The following EID2B variants were observed in gnomAD, a reference collection of about 807,000 sequenced individuals.
EID2B encodes EP300-interacting inhibitor of differentiation 2B.
Under a neutral mutation model 5.9 loss-of-function variants are expected in EID2B, and 6 were observed. The ratio of observed to expected loss-of-function variants is 1.01; its 90% confidence interval spans 0.55 to 2.00. The LOEUF is 2.00. Among genes scored for constraint, EID2B ranks in the 30% most tolerant of loss-of-function variants. The pLI, the probability that EID2B is intolerant of heterozygous loss-of-function variation, is 0.00. For synonymous variants in EID2B, 94 were observed against 104.2 expected (o/e 0.90, Z 0.60); for missense variants, 234 against 228.1 (o/e 1.03, Z -0.17).
Position 39,532,639 on chromosome 19 carries a change from C to T in EID2B, c.164G>A (p.Arg55Gln). Residue 55 changes from arginine (R) to glutamine (Q), a missense_variant, in exon 1 of 1, where the codon CGG becomes CAG. By Grantham distance (43) the Arg-to-Gln change is conservative. Coordinates refer to ENST00000326282, the MANE Select transcript of EID2B (RefSeq NM_152361.3). ...AGGGCCCGGCATCCGCGCCATGGAC[C>T]GCGCAGCTTCGGCCACTGGGCCTTC... ...AREGPVAEAA[R>Q]SMARMPGPVP... is the part of the protein sequence containing the mutation. 6.2e-7 allele frequency: 1 copy of T among 1,607,604 alleles called. No homozygotes were observed. The highest frequency in any genetic ancestry group is 8.5e-7 in the Non-Finnish European group (1 of 1,177,026).
rs1448529427 is a variant in EID2B at position 39,531,666 on chromosome 19, TATGA to T, written c.*647_*650del. 1 of 152,262 alleles carries T rather than the reference TATGA, an allele frequency of 6.6e-6. No homozygotes were observed. Among genetic ancestry groups the T allele is most frequent in the Non-Finnish European group, 1.5e-5 (1 of 68,048 alleles). The allele number at this position is 152,262 out of a possible 1,614,324, so 9.4% of individuals were successfully genotyped here. The stretch of plus-strand genomic sequence containing the variant: ...TCTAAAGTACCTCAGAAAACACAAA[TATGA>T]ATCTTACACTAGGATTTGTTGACAT... On this transcript the variant is annotated 3_prime_UTR_variant, in exon 1 of 1. Transcript: ENST00000326282.
rs1245234877 is a variant in EID2B, at chr19:39,532,215, CT to C, written c.*101del. The C allele has an allele frequency of 6.3e-6, 9 of 1,436,126 alleles. No homozygotes were observed. In the African/African-American group the frequency reaches 8.5e-5, roughly 14 times the overall value. The allele number at this position is 1,436,126 out of a possible 1,614,324, so 89.0% of individuals were successfully genotyped here. A position where few individuals can be genotyped will look rare whatever the true frequency, so the allele number is the denominator to read the frequency against. On this transcript the variant is annotated 3_prime_UTR_variant, in exon 1 of 1. Coordinates refer to ENST00000326282, the MANE Select transcript of EID2B (RefSeq NM_152361.3). The stretch of plus-strand genomic sequence containing the variant: ...TATTCCCTTCCAGTTTGCATTCCCC[CT>C]AATGACTGAGTTAACTAAACTGGCA...
chr19:39,532,589 C>T lies in EID2B; in HGVS notation c.214G>A (p.Val72Ile). Residue 72 changes from valine to isoleucine, a missense_variant, in exon 1 of 1, where the codon GTC becomes ATC. By Grantham distance (29) the Val-to-Ile change is conservative. Transcript: ENST00000326282. ...TCTGGCGCGGAGGCCAGGCCCGGGA[C>T]GCTGCTGGGGATGGGCCCGGGCACA... ...GPVPGPIPSS[V>I]PGLASAPDPH... 6.2e-7 allele frequency: 1 copy of T among 1,613,096 alleles called. No homozygotes were observed. The highest frequency in any genetic ancestry group is 8.5e-7 in the Non-Finnish European group (1 of 1,179,810).
Position 39,532,331 on chromosome 19 carries a change from G to A in EID2B, c.472C>T (p.Pro158Ser), listed in dbSNP as rs200337713. 2.5e-5 allele frequency: 40 copies of A among 1,613,616 alleles called. No homozygotes were observed. The East Asian group carries it at 8.5e-4, about 34-fold the overall frequency. Reference protein sequence around the residue: ...VALTASEALSPLAD With the variant: ...VALTASEALSSLAD ...TCACAGCCGACTCAGTCGGCCAGAG[G>A]ACTGAGGGCCTCGGAGGCAGTCAGC... Residue 158 changes from proline to serine, a missense_variant, in exon 1 of 1, where the codon CCT becomes TCT. By Grantham distance (74) the Pro-to-Ser change is moderately conservative. Coordinates refer to ENST00000326282, the MANE Select transcript of EID2B (RefSeq NM_152361.3).
In EID2B at chr19:39,532,158, A is replaced by G; in HGVS notation, c.*159T>C. 3.9e-6 allele frequency: 3 copies of G among 773,378 alleles called. No individual in the cohort carries two copies. Among genetic ancestry groups the G allele is most frequent in the Non-Finnish European group, 6.1e-6 (3 of 488,638 alleles). The allele number at this position is 773,378 out of a possible 1,614,324, so 47.9% of individuals were successfully genotyped here. Reference sequence around the variant, plus strand: ...ACAGTCTTGTCTGTTTCCATTTCGGAGTGTGCTTCCTCCTTCAATTGCACA... The same window carrying G: ...ACAGTCTTGTCTGTTTCCATTTCGGGGTGTGCTTCCTCCTTCAATTGCACA... On this transcript the variant is annotated 3_prime_UTR_variant, in exon 1 of 1. Transcript: ENST00000326282.
rs1464115406 is a variant in EID2B at position 39,531,563 on chromosome 19, C to T, written c.*754G>A. The T allele has an allele frequency of 6.6e-6, 1 of 152,192 alleles. No individual in the cohort carries two copies. The highest frequency in any genetic ancestry group is 2.4e-5 in the African/African-American group (1 of 41,462). The allele number at this position is 152,192 out of a possible 1,614,324, so 9.4% of individuals were successfully genotyped here. A position where few individuals can be genotyped will look rare whatever the true frequency, so the allele number is the denominator to read the frequency against. On this transcript the variant is annotated 3_prime_UTR_variant, in exon 1 of 1. Transcript: ENST00000326282. Reference sequence around the variant, plus strand: ...ATTAACAAAAAACAAGTTTATTCCACACCTACCCAATTTCACATAGACTTG... The same window carrying T: ...ATTAACAAAAAACAAGTTTATTCCATACCTACCCAATTTCACATAGACTTG...
At position 39,531,849 on chromosome 19, in the gene EID2B, A is replaced by G. The variant is rs573480894; in HGVS notation, c.*468T>C. 6.8e-4 allele frequency: 103 copies of G among 151,236 alleles called. 1 individual carries two copies. In the South Asian group the frequency reaches 0.02, roughly 30 times the overall value. 9.4% of individuals were successfully genotyped at this position (151,236 alleles called of 1,614,324 possible). ...CTGTTATTGGCATTTTTTTTTTCTC[A>G]TATCTTTGCAAAACCATCCTTTATG... On this transcript the variant is annotated 3_prime_UTR_variant, in exon 1 of 1. Coordinates refer to ENST00000326282, the MANE Select transcript of EID2B (RefSeq NM_152361.3).
chr19:39,531,090 C>T lies in EID2B; in HGVS notation c.*1227G>A, dbSNP rs1971956612. On this transcript the variant is annotated 3_prime_UTR_variant, in exon 1 of 1. Transcript: ENST00000326282. ...AAGAAAACAACAACAAAACTCCAAG[C>T]CACAAGCAATGGCACCTGCATGGAA... 1 of 152,166 alleles carries T rather than the reference C, an allele frequency of 6.6e-6. No individual in the cohort carries two copies. Among genetic ancestry groups the T allele is most frequent in the African/African-American group, 2.4e-5 (1 of 41,432 alleles). 9.4% of individuals were successfully genotyped at this position (152,166 alleles called of 1,614,324 possible).
rs1378513289 is a variant in EID2B at position 39,531,695 on chromosome 19, T to A, written c.*622A>T. The A allele has an allele frequency of 1.3e-5, 2 of 152,262 alleles. No individual in the cohort carries two copies. Among genetic ancestry groups the A allele is most frequent in the African/African-American group, 4.8e-5 (2 of 41,468 alleles). The allele number at this position is 152,262 out of a possible 1,614,324, so 9.4% of individuals were successfully genotyped here. On this transcript the variant is annotated 3_prime_UTR_variant, in exon 1 of 1. Transcript: ENST00000326282. ...AATCTTACACTAGGATTTGTTGACA[T>A]GACCACAAATTGTGAAATTTCAAAG...
At position 39,532,769 on chromosome 19, in the gene EID2B, C is replaced by T. The variant is rs1487628993; in HGVS notation, c.34G>A (p.Glu12Lys). ...GGGACACTGCTATCTCCGGGGAGCT[C>T]GGACATCTCCAACAGCCCAGTCGGC... ...AEPTGLLEMSELPGDSSVPQV... is the reference protein window; with the variant it reads ...AEPTGLLEMSKLPGDSSVPQV... Residue 12 changes from glutamate to lysine, a missense_variant, in exon 1 of 1, where the codon GAG (glutamate) becomes AAG (lysine). By Grantham distance (56) the Glu-to-Lys change is moderately conservative (BLOSUM62 1). Transcript: ENST00000326282. 2 of 1,611,604 alleles carry T rather than the reference C, an allele frequency of 1.2e-6. No individual in the cohort carries two copies. The highest frequency in any genetic ancestry group is 1.7e-6 in the Non-Finnish European group (2 of 1,179,864).
rs775077074 is a variant in EID2B, at chr19:39,532,840, T to G, written c.-38A>C. 6.2e-7 allele frequency: 1 copy of G among 1,600,044 alleles called. No homozygotes were observed. Among genetic ancestry groups the G allele is most frequent in the South Asian group, 1.1e-5 (1 of 90,736 alleles). The stretch of plus-strand genomic sequence containing the variant: ...TCTACGGAGACTGGAATAACGGCAC[T>G]GCACTGCTGTATGCGAGACCTGCGC... On this transcript the variant is annotated 5_prime_UTR_variant, in exon 1 of 1. Transcript: ENST00000326282.
rs765544241 is a variant in EID2B at position 39,532,324 on chromosome 19, G to C, written c.479C>G (p.Ala160Gly). ...GTCATCATCACAGCCGACTCAGTCG[G>C]CCAGAGGACTGAGGGCCTCGGAGGC... ...LTASEALSPL[A>G]D The change falls in exon 1 of 1, where the codon GCC (alanine) becomes GGC (glycine). Residue 160 changes from alanine to glycine, a missense_variant. Physicochemically the swap from Ala to Gly is moderately conservative, Grantham distance 60. Transcript: ENST00000326282. The C allele has an allele frequency of 4.3e-6, 7 of 1,612,290 alleles. No homozygotes were observed. The Admixed American group carries it at 5.0e-5, about 12-fold the overall frequency.
At position 39,532,075 on chromosome 19, in the gene EID2B, G is replaced by T; in HGVS notation, c.*242C>A. The T allele has an allele frequency of 3.8e-6, 2 of 524,274 alleles. No homozygotes were observed. The highest frequency in any genetic ancestry group is 3.3e-6 in the Non-Finnish European group (1 of 301,004). 32.5% of individuals were successfully genotyped at this position (524,274 alleles called of 1,614,324 possible). A position where few individuals can be genotyped will look rare whatever the true frequency, so the allele number is the denominator to read the frequency against. On this transcript the variant is annotated 3_prime_UTR_variant, in exon 1 of 1. Transcript: ENST00000326282. ...AAGCGTTCGGGACCAGCCTAGGGAT[G>T]CGAGACTCCCTTCTCTATTTAAATA...
Position 39,532,218 on chromosome 19 carries a change from A to G in EID2B, c.*99T>C. The G allele has an allele frequency of 6.9e-7, 1 of 1,450,918 alleles. No individual in the cohort carries two copies. The highest frequency in any genetic ancestry group is 9.3e-7 in the Non-Finnish European group (1 of 1,077,100). 89.9% of individuals were successfully genotyped at this position (1,450,918 alleles called of 1,614,324 possible). A position where few individuals can be genotyped will look rare whatever the true frequency, so the allele number is the denominator to read the frequency against. On this transcript the variant is annotated 3_prime_UTR_variant, in exon 1 of 1. Transcript: ENST00000326282. ...TCCCTTCCAGTTTGCATTCCCCCTA[A>G]TGACTGAGTTAACTAAACTGGCACA...
In EID2B at chr19:39,532,823, G is replaced by C. The variant is rs374094786; in HGVS notation, c.-21C>G. ...GCCATAGTCCCAGCGTTTCTACGGAGACTGGAATAACGGCACTGCACTGCT... is the reference window on the plus strand; with the variant it reads ...GCCATAGTCCCAGCGTTTCTACGGACACTGGAATAACGGCACTGCACTGCT... On this transcript the variant is annotated 5_prime_UTR_variant, in exon 1 of 1. Transcript: ENST00000326282. 24 of 1,605,382 alleles carry C rather than the reference G, an allele frequency of 1.5e-5. No individual in the cohort carries two copies. The highest frequency in any genetic ancestry group is 2.0e-5 in the Non-Finnish European group (24 of 1,179,748).
chr19:39,532,562 G>T lies in EID2B; in HGVS notation c.241C>A (p.Pro81Thr). 1 of 1,613,838 alleles carries T rather than the reference G, an allele frequency of 6.2e-7. No individual in the cohort carries two copies. Among genetic ancestry groups the T allele is most frequent in the Non-Finnish European group, 8.5e-7 (1 of 1,180,008 alleles). The change falls in exon 1 of 1, where the codon CCC becomes ACC. Residue 81 changes from proline (P) to threonine (T), a missense_variant. Pro to Thr is a conservative substitution (Grantham distance 38). Transcript: ENST00000326282. ...TCTAAGAAAGCGAGCTGCTGATGGG[G>T]GTCTGGCGCGGAGGCCAGGCCCGGG... ...SVPGLASAPD[P>T]HQQLAFLEIN...
rs938943981 is a variant in EID2B at position 39,532,842 on chromosome 19, C to A, written c.-40G>T. 6.3e-7 allele frequency: 1 copy of A among 1,599,518 alleles called. No individual in the cohort carries two copies. The highest frequency in any genetic ancestry group is 1.3e-5 in the African/African-American group (1 of 74,956). Reference sequence around the variant, plus strand: ...TACGGAGACTGGAATAACGGCACTGCACTGCTGTATGCGAGACCTGCGCAT... The same window carrying A: ...TACGGAGACTGGAATAACGGCACTGAACTGCTGTATGCGAGACCTGCGCAT... On this transcript the variant is annotated 5_prime_UTR_variant, in exon 1 of 1. Coordinates refer to ENST00000326282, the MANE Select transcript of EID2B (RefSeq NM_152361.3).
Position 39,532,560 on chromosome 19 carries a change from G to GGGGTCTGGCGCGGAGGCC in EID2B, c.225_242dup (p.Ala76_Pro81dup), listed in dbSNP as rs767672229. ...TTTCTAAGAAAGCGAGCTGCTGATGGGGGTCTGGCGCGGAGGCCAGGCCCG... is the reference window on the plus strand; with the variant it reads ...TTTCTAAGAAAGCGAGCTGCTGATGGGGGTCTGGCGCGGAGGCCGGGTCTGGCGCGGAGGCCAGGCCCG... On this transcript the variant is annotated inframe_insertion, in exon 1 of 1. Transcript: ENST00000326282. The GGGGTCTGGCGCGGAGGCC allele has an allele frequency of 2.9e-5, 46 of 1,613,726 alleles. No individual in the cohort carries two copies. The highest frequency in any genetic ancestry group is 3.4e-5 in the Non-Finnish European group (40 of 1,180,016).
rs1230159577 is a variant in EID2B at position 39,531,503 on chromosome 19, G to C, written c.*814C>G. 6.6e-6 allele frequency: 1 copy of C among 152,114 alleles called. No homozygotes were observed. Among genetic ancestry groups the C allele is most frequent in the Non-Finnish European group, 1.5e-5 (1 of 68,022 alleles). The allele number at this position is 152,114 out of a possible 1,614,324, so 9.4% of individuals were successfully genotyped here. The stretch of plus-strand genomic sequence containing the variant: ...TTTTTTTTGTTGAGTCTTGTGAATA[G>C]AATACATATTCTAGAATAAAATAAA... On this transcript the variant is annotated 3_prime_UTR_variant, in exon 1 of 1. Coordinates refer to ENST00000326282, the MANE Select transcript of EID2B (RefSeq NM_152361.3).
Sources: allele counts gnomAD v4.1 joint callset, GRCh38; gene constraint gnomAD v4.1.1; transcripts MANE v1.5; gene names NCBI Gene and HGNC (gene_info 2026-07-23, HGNC 2026-07-21).